Variants in PDE11A observed in about 807,000 individuals in gnomAD.
PDE11A encodes the protein phosphodiesterase 11A.
Under a neutral mutation model 100.5 loss-of-function variants are expected in PDE11A, and 100 were observed. That is an observed-to-expected ratio of 1.00 (90% CI 0.85 to 1.18). The LOEUF is 1.18. PDE11A is among the 50% of genes most tolerant of loss of function. The pLI is 0.00. For synonymous variants in PDE11A, 381 were observed against 420.8 expected, an observed-to-expected ratio of 0.91 and a Z score of 1.16; for missense variants, 1,141 against 1,152.6, an observed-to-expected ratio of 0.99 and a Z score of 0.15.
rs772516291 is a variant in PDE11A at position 178,072,093 on chromosome 2, T to A, written c.345A>T (p.Arg115Ser). The A allele has an allele frequency of 3.1e-6, 5 of 1,613,880 alleles. No individual in the cohort carries two copies. The Admixed American group carries it at 5.0e-5, about 16-fold the overall frequency. ...GSRGDGNLQR[R>S]ASQKELRKSF... ...TCTTCCTTAGCTCTTTCTGAGAAGC[T>A]CTCCGCTGCAGGTTCCCATCGCCCC... The change falls in exon 1 of 20, where the codon AGA becomes AGT. Residue 115 changes from arginine to serine, a missense_variant. Transcript: ENST00000286063.
At chr2:177,825,428 G>A (rs921886737) in intron 6 of PDE11A, among the ~76,000 whole-genome samples, 2 of 152,262 alleles carry the variant, frequency 1.3e-5, no homozygotes, top group African/African-American at 4.8e-5. Flanking sequence ...CAGAGTGTGA[G>A]GAGAGTGAAT....
Position 177,804,239 on chromosome 2 carries a change from G to T in PDE11A, c.1737+12590C>A, listed in dbSNP as rs965353919. Among the ~76,000 whole-genome samples the T allele has an allele frequency of 5.9e-5, 9 of 151,796 alleles. No homozygotes were observed. In the South Asian group the frequency reaches 1.7e-3, roughly 28 times the overall value. The stretch of plus-strand genomic sequence containing the variant: ...AAAGGCTAACATCCAGAATCCATAA[G>T]GAACTCAAATAATTCAATAAGAAAA... On this transcript the variant is annotated intron_variant, in intron 9 of 19. Coordinates refer to ENST00000286063, the MANE Select transcript of PDE11A (RefSeq NM_016953.4).
intron 1 of PDE11A, among the ~76,000 whole-genome samples, chr2:178,068,394 C>G (rs2087077681): frequency 6.6e-6 from 1 of 152,028 alleles, no homozygotes; most frequent in South Asian, 2.1e-4. Context: ...CTACCCTTGA[C>G]TCCAGAATGC....
chr2:177,713,987 C>CTTT (rs57211363), intron 12 of PDE11A, among the ~76,000 whole-genome samples: 35,356 of 76,218 alleles, frequency 0.46, 10,730 homozygotes, highest in East Asian at 0.63. Context: ...TTTCTTTTTT[C>CTTT]TTTTTTTTTT....
intron 4 of PDE11A, among the ~76,000 whole-genome samples, chr2:177,878,713 C>G (rs189337388): frequency 6.6e-6 from 1 of 152,086 alleles, no homozygotes; most frequent in Non-Finnish European, 1.5e-5. Context: ...ATTGCAGAAC[C>G]GAGATTTGAA....
chr2:177,801,525 G>A (rs1452804647), intron 9 of PDE11A, among the ~76,000 whole-genome samples: 1 of 152,026 alleles, frequency 6.6e-6, no homozygotes, highest in Non-Finnish European at 1.5e-5. Flanking sequence ...AGCCCACATT[G>A]GAGTTAATAA....
intron 5 of PDE11A, among the ~76,000 whole-genome samples, chr2:177,849,914 G>A (rs1463923044): frequency 1.3e-5 from 2 of 152,120 alleles, no homozygotes; most frequent in Non-Finnish European, 2.9e-5. Context: ...AACATTCCAT[G>A]CTCAAGGATA....
intron 2 of PDE11A, chr2:177,998,661 C>T (rs1031425591): frequency 8.1e-7 from 1 of 1,237,524 alleles, no homozygotes; most frequent in Non-Finnish European, 1.2e-6. Context: ...CTTAGTACCA[C>T]CTTTCACACC....
At chr2:178,058,225 G>C (rs2086923444) in intron 1 of PDE11A, among the ~76,000 whole-genome samples, 1 of 152,116 alleles carries the variant, frequency 6.6e-6, no homozygotes, top group Non-Finnish European at 1.5e-5. Context: ...TGGTATTTAG[G>C]CCACTTACCC....
chr2:177,654,780 C>T (rs922386399), intron 19 of PDE11A, among the ~76,000 whole-genome samples: 1 of 152,200 alleles, frequency 6.6e-6, no homozygotes, highest in African/African-American at 2.4e-5. Context: ...TTTGATACCT[C>T]AACAGCAGAG....
intron 2 of PDE11A, among the ~76,000 whole-genome samples, chr2:177,949,324 T>C (rs2085479240): frequency 6.6e-6 from 1 of 152,188 alleles, no homozygotes; most frequent in Non-Finnish European, 1.5e-5. Context: ...TCATTACAAA[T>C]TTGAGAAACA....
At chr2:177,655,579 C>T (rs941196646) in intron 19 of PDE11A, among the ~76,000 whole-genome samples, 1 of 152,014 alleles carries the variant, frequency 6.6e-6, no homozygotes, top group Admixed American at 6.6e-5. Context: ...TGCTCTGTCA[C>T]CCAGGCTGGA....
intron 2 of PDE11A, among the ~76,000 whole-genome samples, chr2:177,947,272 A>G (rs1397316146): frequency 1.4e-4 from 19 of 139,762 alleles, no homozygotes; most frequent in Non-Finnish European, 1.2e-4. Flanking sequence ...GGTGTGCCCA[A>G]CAGCTCATTG....
intron 2 of PDE11A, chr2:177,927,053 C>T (rs950195316): frequency 1.3e-5 from 2 of 152,254 alleles, no homozygotes; most frequent in Non-Finnish European, 2.9e-5. Context: ...CAGGTCAGGG[C>T]ATTCCTGGAC....
chr2:177,870,084 T>A lies in PDE11A; in HGVS notation c.1367+5775A>T, dbSNP rs980128530. ...CACTTATTATAAGAGCTTTGGCAAT[T>A]TCTCCTGCCTTCAGTTGCATAACTT... On this transcript the variant is annotated intron_variant, in intron 5 of 19. Coordinates refer to ENST00000286063, the MANE Select transcript of PDE11A (RefSeq NM_016953.4). Among the ~76,000 whole-genome samples, 4 of 152,334 alleles carry A rather than the reference T, an allele frequency of 2.6e-5. No individual in the cohort carries two copies. The South Asian group carries it at 8.3e-4, about 32-fold the overall frequency.
intron 17 of PDE11A, 42 bp downstream of exon 17, chr2:177,675,413 C>A (rs543707970): frequency 1.4e-6 from 2 of 1,438,398 alleles, no homozygotes; most frequent in East Asian, 4.5e-5. Flanking sequence ...TTACGCCCCC[C>A]AGTCCCTCCT....
chr2:178,027,091 G>A (rs2086487990), intron 1 of PDE11A, among the ~76,000 whole-genome samples: 1 of 152,094 alleles, frequency 6.6e-6, no homozygotes, highest in Non-Finnish European at 1.5e-5. Flanking sequence ...CATTGCTAAT[G>A]AGAATATAAA....
intron 2 of PDE11A, among the ~76,000 whole-genome samples, chr2:177,982,838 G>A (rs949686047): frequency 1.3e-5 from 2 of 150,744 alleles, no homozygotes; most frequent in African/African-American, 4.8e-5. Context: ...TACTTTGGGA[G>A]GCCAAGGTGG....
intron 13 of PDE11A, among the ~76,000 whole-genome samples, chr2:177,709,467 G>C (rs1217647921): frequency 6.6e-6 from 1 of 152,174 alleles, no homozygotes; most frequent in Non-Finnish European, 1.5e-5. Context: ...ATACAAGAAA[G>C]AGGCATGGAG....
Sources: gnomAD v4.1 joint callset for allele counts (sites outside exome capture counted in the v4.1 genomes callset) on GRCh38, gnomAD v4.1.1 for gene constraint, MANE v1.5 for transcripts, NCBI Gene and HGNC (gene_info 2026-07-23, HGNC 2026-07-21) for gene names.